Variants in SCO1 observed in about 807,000 individuals in gnomAD.
SCO1 encodes synthesis of cytochrome C oxidase 1, also known as cytochrome c oxidase assembly factor SCO1.
SCO1 carries 23 observed loss-of-function variants against 34.0 expected under a neutral mutation model. The ratio of observed to expected loss-of-function variants is 0.68; its 90% CI spans 0.49 to 0.96. The LOEUF is 0.96. Among genes scored for constraint, SCO1 ranks in the 40% least tolerant of loss-of-function variants. SCO1 has a pLI of 0.00. For synonymous variants in SCO1, 161 were observed against 145.5 expected (o/e 1.11, Z -0.77); for missense variants, 404 against 381.6 (o/e 1.06, Z -0.49).
chr17:10,685,221 G>T (rs2074648104), intron 5 of SCO1, among the ~76,000 whole-genome samples: 1 of 152,202 alleles, frequency 6.6e-6, no homozygotes, highest in Non-Finnish European at 1.5e-5. Flanking sequence ...CAGTGACTCA[G>T]GGTCTTGGCC....
At chr17:10,683,047 G>T (rs572771526) in intron 5 of SCO1, among the ~76,000 whole-genome samples, 1 of 152,250 alleles carries the variant, frequency 6.6e-6, no homozygotes, top group Admixed American at 6.5e-5. Flanking sequence ...TTTTTGAAAA[G>T]GTAATATATG....
At chr17:10,689,625 C>CT (rs1312491300) in intron 4 of SCO1, among the ~76,000 whole-genome samples, 3 of 152,164 alleles carry the variant, frequency 2.0e-5, no homozygotes, top group African/African-American at 7.2e-5. Context: ...TTAAAAGTGC[C>CT]TAACAGCTTT....
Position 10,692,957 on chromosome 17 carries a change from T to C in SCO1, c.369A>G (p.Leu123=), listed in dbSNP as rs765983971. Residue 123 remains leucine, a synonymous_variant, in exon 3 of 6, where the codon TTA becomes TTG. Coordinates refer to ENST00000255390, the MANE Select transcript of SCO1 (RefSeq NM_004589.4). ...KHVKKEKAEK[L]EKERQRHIGK... ...CGATGTGTCGCTGCCGTTCCTTCTCTAACTCTTAAGGAGACAAAAACATAT... is the reference window on the plus strand; with the variant it reads ...CGATGTGTCGCTGCCGTTCCTTCTCCAACTCTTAAGGAGACAAAAACATAT... 8 of 1,613,976 alleles carry C rather than the reference T, an allele frequency of 5.0e-6. No individual in the cohort carries two copies. Among genetic ancestry groups the C allele is most frequent in the Non-Finnish European group, 5.1e-6 (6 of 1,179,934 alleles).
rs1323388797 is a variant in SCO1, at chr17:10,697,521, C to T, written c.-14G>A. On this transcript the variant is annotated 5_prime_UTR_variant, in exon 1 of 6. Transcript: ENST00000255390. ...CAGCATCGCCATGAGCCTCGGAGAC[C>T]GGGTCTCCTTTGACCCTCCCCGCGA... 1.2e-6 allele frequency: 2 copies of T among 1,612,862 alleles called. No homozygotes were observed. The highest frequency in any genetic ancestry group is 8.5e-7 in the Non-Finnish European group (1 of 1,179,836).
At chr17:10,686,976 G>A (rs969280380) in intron 4 of SCO1, 134 bp from the exon 5 acceptor site, 13 of 689,130 alleles carry the variant, frequency 1.9e-5, no homozygotes, top group Admixed American at 1.7e-4. Context: ...ATTTCTTCAC[G>A]ATTCAAAGGA....
At chr17:10,692,094 T>C in intron 3 of SCO1, 130 bp from the exon 4 acceptor site, 1 of 719,208 alleles carries the variant, frequency 1.4e-6, no homozygotes, top group Non-Finnish European at 2.5e-6. Flanking sequence ...ATCTTAACAT[T>C]CAGGTGAAGA....
chr17:10,692,666 T>A, intron 3 of SCO1, 98 bp downstream of exon 3: 1 of 989,502 alleles, frequency 1.0e-6, no homozygotes, highest in East Asian at 2.4e-5. Context: ...ACAAATCACA[T>A]AATTGCAAAA....
Position 10,674,458 on chromosome 17 carries a change from A to T in SCO1, c.*6661T>A. 3.5e-6 allele frequency: 1 copy of T among 283,058 alleles called. No individual in the cohort carries two copies. Among genetic ancestry groups the T allele is most frequent in the Non-Finnish European group, 6.9e-6 (1 of 143,894 alleles). 17.5% of individuals were successfully genotyped at this position (283,058 alleles called of 1,614,324 possible). On this transcript the variant is annotated 3_prime_UTR_variant, in exon 6 of 6. Transcript: ENST00000255390. ...AACAAACAAACAAACAAAAAAACAGACTGTGATTGAGGAGAGCTGGAGTGG... is the reference window on the plus strand; with the variant it reads ...AACAAACAAACAAACAAAAAAACAGTCTGTGATTGAGGAGAGCTGGAGTGG...
Position 10,674,445 on chromosome 17 carries a change from A to G in SCO1, c.*6674T>C. 3.5e-6 allele frequency: 1 copy of G among 287,908 alleles called. No homozygotes were observed. The highest frequency in any genetic ancestry group is 6.8e-6 in the Non-Finnish European group (1 of 146,042). The allele number at this position is 287,908 out of a possible 1,614,324, so 17.8% of individuals were successfully genotyped here. A position where few individuals can be genotyped will look rare whatever the true frequency, so the allele number is the denominator to read the frequency against. On this transcript the variant is annotated 3_prime_UTR_variant, in exon 6 of 6. Transcript: ENST00000255390. ...CCATCTCAAAACAAACAAACAAACA[A>G]ACAAAAAAACAGACTGTGATTGAGG...
chr17:10,689,125 A>AAAAAAG (rs2080531489), intron 4 of SCO1, among the ~76,000 whole-genome samples: 1 of 139,812 alleles, frequency 7.2e-6, no homozygotes, highest in East Asian at 1.9e-4. Flanking sequence ...CAAAAAAAAA[A>AAAAAAG]AAAAAAAAAA....
At chr17:10,685,519 T>G (rs1485307685) in intron 5 of SCO1, among the ~76,000 whole-genome samples, 1 of 152,196 alleles carries the variant, frequency 6.6e-6, no homozygotes, top group Non-Finnish European at 1.5e-5. Flanking sequence ...GCAGTGCTGA[T>G]GAATATGAAG....
At chr17:10,684,798 C>G (rs2074644947) in intron 5 of SCO1, among the ~76,000 whole-genome samples, 1 of 152,224 alleles carries the variant, frequency 6.6e-6, no homozygotes, top group African/African-American at 2.4e-5. Context: ...AGACAGAAGT[C>G]CGGAAAGTCC....
intron 5 of SCO1, among the ~76,000 whole-genome samples, chr17:10,681,530 C>A (rs952611298): frequency 1.3e-5 from 2 of 152,230 alleles, no homozygotes; most frequent in Non-Finnish European, 2.9e-5. Flanking sequence ...TTTACCCACA[C>A]ACTCTGAGAA....
rs1330673899 is a variant in SCO1 at position 10,680,298 on chromosome 17, T to G, written c.*821A>C. 1.3e-5 allele frequency: 2 copies of G among 152,426 alleles called. No homozygotes were observed. Among genetic ancestry groups the G allele is most frequent in the Non-Finnish European group, 2.9e-5 (2 of 68,256 alleles). 9.4% of individuals were successfully genotyped at this position (152,426 alleles called of 1,614,324 possible). A position where few individuals can be genotyped will look rare whatever the true frequency, so the allele number is the denominator to read the frequency against. On this transcript the variant is annotated 3_prime_UTR_variant, in exon 6 of 6. Transcript: ENST00000255390. ...CCTGAGAACTGTGTGCAGCCATCTA[T>G]GTACCCACTCATCACCCATGAAAAA...
intron 5 of SCO1, among the ~76,000 whole-genome samples, chr17:10,682,115 A>T (rs1273773296): frequency 6.6e-6 from 1 of 152,148 alleles, no homozygotes; most frequent in African/African-American, 2.4e-5. Context: ...TTAGTTAGAC[A>T]CTTCCATAAA....
intron 4 of SCO1, among the ~76,000 whole-genome samples, chr17:10,688,416 A>G (rs898479250): frequency 3.9e-5 from 6 of 152,270 alleles, no homozygotes; most frequent in African/African-American, 1.4e-4. Context: ...ACAGTCATTA[A>G]GAAAATGTAT....
intron 4 of SCO1, among the ~76,000 whole-genome samples, chr17:10,687,226 C>T (rs1352151839): frequency 3.3e-5 from 5 of 152,082 alleles, no homozygotes; most frequent in African/African-American, 1.2e-4. Context: ...AAAAAATTTG[C>T]TTCATAACTA....
Position 10,679,051 on chromosome 17 carries a change from T to A in SCO1, c.*2068A>T, listed in dbSNP as rs572162119. 6.6e-6 allele frequency: 1 copy of A among 152,414 alleles called. No individual in the cohort carries two copies. Among genetic ancestry groups the A allele is most frequent in the South Asian group, 2.1e-4 (1 of 4,836 alleles). 9.4% of individuals were successfully genotyped at this position (152,414 alleles called of 1,614,324 possible). ...ACCTCTGCCTCCTGGGTTCAAGCGA[T>A]TCTCCTGCCTCAGCCTCCGGAGTAA... is the stretch of plus-strand genomic sequence containing the variant. On this transcript the variant is annotated 3_prime_UTR_variant, in exon 6 of 6. Transcript: ENST00000255390.
rs986068082 is a variant in SCO1, at chr17:10,678,871, T to G, written c.*2248A>C. ...AAGGAGTCAGCAGGGTTTGTTTTTT[T>G]TTTTTTTTCTCACAACTTCTCTCTT... On this transcript the variant is annotated 3_prime_UTR_variant, in exon 6 of 6. Coordinates refer to ENST00000255390, the MANE Select transcript of SCO1 (RefSeq NM_004589.4). 6 of 151,978 alleles carry G rather than the reference T, an allele frequency of 3.9e-5. No individual in the cohort carries two copies. The highest frequency in any genetic ancestry group is 1.5e-4 in the African/African-American group (6 of 41,362). The allele number at this position is 151,978 out of a possible 1,614,324, so 9.4% of individuals were successfully genotyped here. A position where few individuals can be genotyped will look rare whatever the true frequency, so the allele number is the denominator to read the frequency against.
Sources: gnomAD v4.1 joint callset for allele counts (sites outside exome capture counted in the v4.1 genomes callset) on GRCh38, gnomAD v4.1.1 for gene constraint, MANE v1.5 for transcripts, NCBI Gene and HGNC (gene_info 2026-07-23, HGNC 2026-07-21) for gene names.